HMCN1: variants seen among roughly 807,000 people sequenced by gnomAD.
The protein encoded by HMCN1 is hemicentin 1.
HMCN1 carries 321 observed loss-of-function variants against 625.9 expected under a neutral mutation model. The observed-to-expected ratio is 0.51, with a 90% CI of 0.47 to 0.56. The LOEUF (loss-of-function observed/expected upper bound fraction) is 0.56. Among genes scored for constraint, HMCN1 ranks in the 20% least tolerant of loss-of-function variants. HMCN1 has a pLI of 0.00. For synonymous variants in HMCN1, 2,425 were observed against 2,417.6 expected (o/e 1.00, Z -0.09); for missense variants, 6,588 against 6,887.3 (o/e 0.96, Z 1.54).
chr1:186,065,220 A>T lies in HMCN1; in HGVS notation c.7514-18A>T, dbSNP rs112630711. 2 of 1,606,226 alleles carry T rather than the reference A, an allele frequency of 1.2e-6. No homozygotes were observed. Among genetic ancestry groups the T allele is most frequent in the South Asian group, 1.1e-5 (1 of 90,860 alleles). On this transcript the variant is annotated intron_variant, in intron 48 of 106. Coordinates refer to ENST00000271588, the MANE Select transcript of HMCN1 (RefSeq NM_031935.3). ...TACATGTAATTATTAGCTGACTCTC[A>T]GAAATGGATTTTTACAGGGAATCCA...
intron 1 of HMCN1, among the ~76,000 whole-genome samples, chr1:185,830,604 T>G (rs1344055792): frequency 6.6e-6 from 1 of 152,102 alleles, no homozygotes; most frequent in Admixed American, 6.6e-5. Flanking sequence ...TCTATATGTC[T>G]GTTTTGGTAC....
rs1666517328 is a variant in HMCN1, at chr1:185,913,070, T to C, written c.900+1290T>C. 2.6e-5 allele frequency among the ~76,000 whole-genome samples: 4 copies of C among 152,204 alleles called. No homozygotes were observed. In the South Asian group the frequency reaches 8.3e-4, roughly 31 times the overall value. On this transcript the variant is annotated intron_variant, in intron 6 of 106. Coordinates refer to ENST00000271588, the MANE Select transcript of HMCN1 (RefSeq NM_031935.3). ...TGTCCCCAGTTTAAAGAATGAATGT[T>C]TACCTTGTAACTCCATTCAAATCCT...
chr1:185,928,697 C>T (rs912730744), intron 10 of HMCN1, 30 bp downstream of exon 10: 3 of 1,610,114 alleles, frequency 1.9e-6, no homozygotes, highest in South Asian at 1.1e-5. Flanking sequence ...TTGCAGTTGC[C>T]CAAGTATTAA....
chr1:186,086,814 T>TGATA (rs10523445), intron 58 of HMCN1, among the ~76,000 whole-genome samples: 1,363 of 73,654 alleles, frequency 0.019, 8 homozygotes, highest in Non-Finnish European at 0.019. Flanking sequence ...GATAGATAGA[T>TGATA]GATAGATAGA....
chr1:185,734,599 C>T lies in HMCN1; in HGVS notation c.-181C>T, dbSNP rs1335108740. 2.2e-5 allele frequency: 14 copies of T among 649,842 alleles called. No homozygotes were observed. The highest frequency in any genetic ancestry group is 3.5e-5 in the Non-Finnish European group (13 of 366,916). 40.3% of individuals were successfully genotyped at this position (649,842 alleles called of 1,614,324 possible). On this transcript the variant is annotated 5_prime_UTR_variant, in exon 1 of 107. Transcript: ENST00000271588. ...GCCGCATCCCTGCCCTGCCCAACCC[C>T]TGGAGGGATTCGAGTTTGGTGCTTG... is the stretch of plus-strand genomic sequence containing the variant.
chr1:186,135,080 T>G (rs1288581820), intron 86 of HMCN1, among the ~76,000 whole-genome samples: 1 of 152,192 alleles, frequency 6.6e-6, no homozygotes, highest in African/African-American at 2.4e-5. Flanking sequence ...ACCTTACTTA[T>G]TTTTGAAAAT....
chr1:185,748,034 ATTTTTTTTTT>A (rs36021341), intron 1 of HMCN1, among the ~76,000 whole-genome samples: 5 of 118,152 alleles, frequency 4.2e-5, no homozygotes, highest in Non-Finnish European at 3.4e-5. Context: ...GGTACTTAAA[ATTTTTTTTTT>A]TTTTTTTTTT....
At position 185,777,477 on chromosome 1, in the gene HMCN1, G is replaced by A. The variant is rs549410563; in HGVS notation, c.268+42430G>A. Among the ~76,000 whole-genome samples, 2 of 151,738 alleles carry A rather than the reference G, an allele frequency of 1.3e-5. 1 individual carries two copies. The highest frequency in any genetic ancestry group is 3.9e-4 in the East Asian group (2 of 5,160). ...TTTTCTTTTTTTTTTTTCTGAGATG[G>A]AGTCTCGCTCTGTCGCCAGGCTGGA... On this transcript the variant is annotated intron_variant, in intron 1 of 106. Transcript: ENST00000271588.
chr1:186,028,724 TA>T (rs1284524230), intron 36 of HMCN1, among the ~76,000 whole-genome samples: 1 of 98,756 alleles, frequency 1.0e-5, no homozygotes, highest in Non-Finnish European at 1.9e-5. Flanking sequence ...TTCTAAAGCA[TA>T]TTTTTTTTTT....
intron 1 of HMCN1, among the ~76,000 whole-genome samples, chr1:185,841,233 TTTCAGACATTAGTTTTTTAAAAA>T (rs1402370309): frequency 2.0e-5 from 3 of 152,110 alleles, no homozygotes; most frequent in African/African-American, 7.2e-5. Context: ...TTCCTTAGAG[TTTCAGACATTAGTTTTTTAAAAA>T]TAAAAAATGG....
chr1:186,152,951 C>T (rs1650769081), intron 96 of HMCN1, 80 bp downstream of exon 96: 4 of 1,532,296 alleles, frequency 2.6e-6, no homozygotes, highest in Non-Finnish European at 3.6e-6. Context: ...GCACAGATAA[C>T]TTGTTCACTC....
rs1251811615 is a variant in HMCN1 at position 186,189,726 on chromosome 1, A to C, written c.16756A>C (p.Asn5586His). Residue 5586 changes from asparagine (N) to histidine (H), a missense_variant, in exon 107 of 107, where the codon AAC becomes CAC. Asn to His is a moderately conservative substitution (Grantham distance 68). Around this residue, in one of 3 missense-constraint regions of HMCN1, gnomAD observed 1,954 missense variants for 2,013.1 expected, o/e 0.97. Transcript: ENST00000271588. Reference protein sequence around the residue: ...QTVPFALRDENLKGVVYTTRP... With the variant: ...QTVPFALRDEHLKGVVYTTRP... ...TGTTCCTTTTGCCTTGAGGGATGAA[A>C]ACCTGAAAGGAGTGGTGTATACAAC... The C allele has an allele frequency of 1.2e-6, 2 of 1,613,366 alleles. No homozygotes were observed. Among genetic ancestry groups the C allele is most frequent in the African/African-American group, 2.7e-5 (2 of 74,862 alleles).
At chr1:185,760,192 A>C (rs1655402064) in intron 1 of HMCN1, among the ~76,000 whole-genome samples, 1 of 152,204 alleles carries the variant, frequency 6.6e-6, no homozygotes, top group Non-Finnish European at 1.5e-5. Flanking sequence ...AAAGTTGTAT[A>C]AATAGTCCAG....
At chr1:185,780,006 G>A (rs1240818210) in intron 1 of HMCN1, among the ~76,000 whole-genome samples, 7 of 152,104 alleles carry the variant, frequency 4.6e-5, no homozygotes, top group Non-Finnish European at 7.4e-5. Flanking sequence ...ATTTGTTTGT[G>A]TCCTCTTTTA....
intron 56 of HMCN1, 42 bp downstream of exon 56, chr1:186,081,436 C>T: frequency 2.2e-6 from 3 of 1,378,482 alleles, no homozygotes; most frequent in Non-Finnish European, 1.0e-6. Flanking sequence ...AGCTATTTGA[C>T]TTTGCACTTT....
At chr1:186,164,658 C>A (rs138250280) in intron 97 of HMCN1, among the ~76,000 whole-genome samples, 4 of 152,210 alleles carry the variant, frequency 2.6e-5, no homozygotes, top group East Asian at 1.9e-4. Flanking sequence ...AGTGCTAATG[C>A]GGGAGATCCA....
chr1:185,958,567 T>C (rs1201095343), intron 11 of HMCN1, among the ~76,000 whole-genome samples: 3 of 152,198 alleles, frequency 2.0e-5, no homozygotes, highest in Non-Finnish European at 4.4e-5. Flanking sequence ...CACGTTGCTA[T>C]ATAGAGGAAT....
Position 186,112,864 on chromosome 1 carries a change from A to AT in HMCN1, c.11043dup (p.Ala3682CysfsTer2). On this transcript the variant is annotated frameshift_variant, in exon 72 of 107. Transcript: ENST00000271588. LOFTEE classifies it high-confidence loss of function. ...GGAGGGAGATACTTGCAAATCAACA[A>AT]TGCTGACCTAGGTGATACAGCCAAT... 1 of 1,614,192 alleles carries AT rather than the reference A, an allele frequency of 6.2e-7. No individual in the cohort carries two copies. The highest frequency in any genetic ancestry group is 8.5e-7 in the Non-Finnish European group (1 of 1,180,014).
In HMCN1 at chr1:186,130,013, G is replaced by A. The variant is rs956715433; in HGVS notation, c.12952G>A (p.Val4318Met). 1 of 1,613,242 alleles carries A rather than the reference G, an allele frequency of 6.2e-7. No individual in the cohort carries two copies. The highest frequency in any genetic ancestry group is 8.5e-7 in the Non-Finnish European group (1 of 1,179,422). The change falls in exon 84 of 107, where the codon GTG becomes ATG. Residue 4318 changes from valine to methionine, a missense_variant. Val to Met is a conservative substitution (Grantham distance 21). Coordinates refer to ENST00000271588, the MANE Select transcript of HMCN1 (RefSeq NM_031935.3). The stretch of plus-strand genomic sequence containing the variant: ...ACACAGTGAACTTGTTATTGAAAGA[G>A]TGTCAAAAGAGGATTCAGGTACTTA... ...NGHSELVIER[V>M]SKEDSGTYVC... is the part of the protein sequence containing the mutation.
Sources: allele counts gnomAD v4.1 joint callset (sites outside exome capture counted in the v4.1 genomes callset), GRCh38; gene constraint gnomAD v4.1.1; regional missense constraint gnomAD v4.1.1; transcripts MANE v1.5; gene names NCBI Gene and HGNC (gene_info 2026-07-23, HGNC 2026-07-21).